UGT1A6: variants seen among roughly 807,000 people sequenced by gnomAD.
UGT1A6 encodes UDP glucuronosyltransferase family 1 member A6.
A neutral mutation model predicts 44.4 loss-of-function variants in UGT1A6; 32 were observed. The observed-to-expected ratio is 0.72, with a 90% confidence interval of 0.54 to 0.97. The LOEUF (loss-of-function observed/expected upper bound fraction) is 0.97, where lower values mean the gene tolerates loss of function less well. Ranked by LOEUF, UGT1A6 falls within the 50% of genes least tolerant of loss-of-function variation. The probability of loss-of-function intolerance (pLI) is 0.00; values close to 1 mark genes in which losing one functional copy is unlikely to be tolerated. For synonymous variants in UGT1A6, 238 were observed against 248.5 expected (o/e 0.96, Z 0.40); for missense variants, 685 against 661.9 (o/e 1.03, Z -0.38).
intron 1 of UGT1A6, among the ~76,000 whole-genome samples, chr2:233,765,887 T>C (rs1279202147): frequency 1.3e-5 from 2 of 152,030 alleles, no homozygotes; most frequent in African/African-American, 2.4e-5. Flanking sequence ...ACTTTCTCAG[T>C]GCGCCACTGC....
rs997006332 is a variant in UGT1A6, at chr2:233,773,053, G to C, written c.*494G>C. 2 of 178,736 alleles carry C rather than the reference G, an allele frequency of 1.1e-5. No individual in the cohort carries two copies. The highest frequency in any genetic ancestry group is 4.8e-5 in the African/African-American group (2 of 42,000). The allele number at this position is 178,736 out of a possible 1,614,324, so 11.1% of individuals were successfully genotyped here. ...AAAGAAGGGAAGCTTTGTACCTTTA[G>C]AGTGTAGGTGAAATGAATGAATGGC... On this transcript the variant is annotated 3_prime_UTR_variant, in exon 5 of 5. Coordinates refer to ENST00000305139, the MANE Select transcript of UGT1A6 (RefSeq NM_001072.4).
chr2:233,730,318 A>G (rs972603934), intron 1 of UGT1A6, among the ~76,000 whole-genome samples: 3 of 152,210 alleles, frequency 2.0e-5, no homozygotes, highest in African/African-American at 7.2e-5. Flanking sequence ...TGGCAGGAAC[A>G]GGGACACTAC....
chr2:233,700,907 G>A (rs985233948), intron 1 of UGT1A6, among the ~76,000 whole-genome samples: 6 of 151,214 alleles, frequency 4.0e-5, no homozygotes, highest in Non-Finnish European at 7.4e-5. Flanking sequence ...GGTGTGTGAC[G>A]TTCCTCTTCC....
At chr2:233,762,434 G>T (rs1698074575) in intron 1 of UGT1A6, among the ~76,000 whole-genome samples, 1 of 152,184 alleles carries the variant, frequency 6.6e-6, no homozygotes, top group Non-Finnish European at 1.5e-5. Flanking sequence ...GAGTAACAGT[G>T]TATTCCCACT....
intron 1 of UGT1A6, among the ~76,000 whole-genome samples, chr2:233,714,851 A>G (rs938283407): frequency 3.9e-5 from 6 of 152,152 alleles, no homozygotes; most frequent in Non-Finnish European, 5.9e-5. Flanking sequence ...TAAATATTCC[A>G]TGGATAAAAC....
intron 3 of UGT1A6, 53 bp from the exon 4 acceptor site, chr2:233,768,167 G>T: frequency 5.6e-6 from 9 of 1,613,612 alleles, no homozygotes; most frequent in Non-Finnish European, 7.6e-6. Context: ...GATGTGTCCA[G>T]CTGTGAAACT....
intron 1 of UGT1A6, chr2:233,747,528 T>C: frequency 6.2e-7 from 1 of 1,605,898 alleles, no homozygotes; most frequent in Non-Finnish European, 8.5e-7. Context: ...AACAGAACAT[T>C]TTCTGAAGAC....
chr2:233,721,185 A>G (rs759923829), intron 1 of UGT1A6, among the ~76,000 whole-genome samples: 2 of 152,206 alleles, frequency 1.3e-5, no homozygotes, highest in Non-Finnish European at 2.9e-5. Flanking sequence ...TCAAACCACA[A>G]GATATTTGTT....
rs748532468 is a variant in UGT1A6 at position 233,713,904 on chromosome 2, T to G, written c.861+20039T>G. ...CCAATCAATGTTCCAGGCAAAACACTTTTTAAAAAATGTATTTACTTACAA... is the reference window on the plus strand; with the variant it reads ...CCAATCAATGTTCCAGGCAAAACACGTTTTAAAAAATGTATTTACTTACAA... On this transcript the variant is annotated intron_variant, in intron 1 of 4. Transcript: ENST00000305139. 7 of 1,612,582 alleles carry G rather than the reference T, an allele frequency of 4.3e-6. No individual in the cohort carries two copies. The South Asian group carries it at 6.6e-5, about 15-fold the overall frequency.
intron 1 of UGT1A6, among the ~76,000 whole-genome samples, chr2:233,716,135 T>C (rs758883944): frequency 1.1e-4 from 16 of 152,340 alleles, no homozygotes; most frequent in Middle Eastern, 3.4e-3. Flanking sequence ...TGGAATTCCA[T>C]GGCCCTTTTC....
rs3064744 is a variant in UGT1A6, at chr2:233,760,233, C to CATAT, written c.862-6789_862-6786dup. ...ACTTGGTGTATCGATTGGTTTTTGCCATATATATATATATAAGTAGGAGAG... is the reference window on the plus strand; with the variant it reads ...ACTTGGTGTATCGATTGGTTTTTGCCATATATATATATATATATAAGTAGGAGAG... On this transcript the variant is annotated intron_variant, in intron 1 of 4. Coordinates refer to ENST00000305139, the MANE Select transcript of UGT1A6 (RefSeq NM_001072.4). 3.8e-3 allele frequency: 5,602 copies of CATAT among 1,482,566 alleles called. 51 individuals are homozygous for CATAT. The African/African-American group carries it at 0.05, about 13-fold the overall frequency. The allele number at this position is 1,482,566 out of a possible 1,614,324, so 91.8% of individuals were successfully genotyped here.
intron 1 of UGT1A6, among the ~76,000 whole-genome samples, chr2:233,740,241 T>A (rs774118650): frequency 4.0e-5 from 6 of 151,874 alleles, no homozygotes; most frequent in Non-Finnish European, 7.3e-5. Flanking sequence ...AGGCTGAGAA[T>A]AGACTAATAC....
chr2:233,764,699 G>A (rs1698625659), intron 1 of UGT1A6, among the ~76,000 whole-genome samples: 1 of 152,188 alleles, frequency 6.6e-6, no homozygotes, highest in African/African-American at 2.4e-5. Flanking sequence ...ACTTGGAAAT[G>A]AGCTGTGTCT....
chr2:233,765,711 TTAA>T (rs10664358), intron 1 of UGT1A6, among the ~76,000 whole-genome samples: 5,413 of 149,254 alleles, frequency 0.036, 331 homozygotes, highest in African/African-American at 0.13. Context: ...ATAATAATAA[TTAA>T]TAATAATAAT....
At chr2:233,701,926 T>G (rs1413982400) in intron 1 of UGT1A6, among the ~76,000 whole-genome samples, 2 of 151,800 alleles carry the variant, frequency 1.3e-5, no homozygotes, top group African/African-American at 4.8e-5. Flanking sequence ...AACATCACAA[T>G]TAAAAGAACT....
At chr2:233,718,110 C>T (rs537602029) in intron 1 of UGT1A6, 2 of 309,390 alleles carry the variant, frequency 6.5e-6, no homozygotes, top group Admixed American at 7.6e-5. Context: ...ACAGCAGCAC[C>T]TCTTATTCCA....
rs745603293 is a variant in UGT1A6, at chr2:233,772,357, G to A, written c.1397G>A (p.Arg466Lys). Residue 466 changes from arginine (R) to lysine (K), a missense_variant, in exon 5 of 5, where the codon AGG becomes AAG. Coordinates refer to ENST00000305139, the MANE Select transcript of UGT1A6 (RefSeq NM_001072.4). ...LAVFWVEFVM[R>K]HKGAPHLRPA... The stretch of plus-strand genomic sequence containing the variant: ...GTGTTCTGGGTGGAGTTTGTGATGA[G>A]GCACAAGGGCGCGCCACACCTGCGC... The A allele has an allele frequency of 1.4e-5, 22 of 1,614,268 alleles. No individual in the cohort carries two copies. The highest frequency in any genetic ancestry group is 1.8e-5 in the Non-Finnish European group (21 of 1,180,054).
intron 1 of UGT1A6, among the ~76,000 whole-genome samples, chr2:233,698,757 T>C (rs555801877): frequency 6.6e-6 from 1 of 152,354 alleles, no homozygotes; most frequent in South Asian, 2.1e-4. Context: ...AATGCTATGA[T>C]TCAGAAAGAA....
Position 233,693,588 on chromosome 2 carries a change from G to T in UGT1A6, c.584G>T (p.Cys195Phe). 6.2e-7 allele frequency: 1 copy of T among 1,614,206 alleles called. No homozygotes were observed. Among genetic ancestry groups the T allele is most frequent in the Non-Finnish European group, 8.5e-7 (1 of 1,180,030 alleles). ...SPDPVSYIPR[C>F]YTKFSDHMTF... is the part of the protein sequence containing the mutation. ...GACCCTGTGTCCTACATTCCCAGGT[G>T]CTACACAAAGTTTTCAGACCACATG... is the stretch of plus-strand genomic sequence containing the variant. The change falls in exon 1 of 5, where the codon TGC (cysteine) becomes TTC (phenylalanine). Residue 195 changes from cysteine (C) to phenylalanine (F), a missense_variant. Transcript: ENST00000305139.
Sources: gnomAD v4.1 joint callset for allele counts (sites outside exome capture counted in the v4.1 genomes callset) on GRCh38, gnomAD v4.1.1 for gene constraint, MANE v1.5 for transcripts, NCBI Gene and HGNC (gene_info 2026-07-23, HGNC 2026-07-21) for gene names.